The following BCL11A variants were observed in gnomAD, a reference collection of about 807,000 sequenced individuals.
BCL11A encodes BCL11 transcription factor A.
In BCL11A, 2 loss-of-function variants were observed where a neutral mutation model predicts 55.9. That is an observed-to-expected ratio of 0.04 (90% confidence interval 0.01 to 0.11). BCL11A has a LOEUF of 0.11. Ranked by LOEUF, BCL11A falls within the 10% of genes least tolerant of loss-of-function variation. The probability of loss-of-function intolerance (pLI) is 1.00; values close to 1 mark genes in which losing one functional copy is unlikely to be tolerated. For synonymous variants in BCL11A, 465 were observed against 473.4 expected (o/e 0.98, Z 0.23); for missense variants, 817 against 1,137.1 (o/e 0.72, Z 4.05).
intron 2 of BCL11A, among the ~76,000 whole-genome samples, chr2:60,488,757 T>C (rs930482974): frequency 4.6e-5 from 7 of 152,146 alleles, no homozygotes; most frequent in African/African-American, 1.7e-4. Context: ...TGTTTGTTTG[T>C]TTGTTTGTTT....
chr2:60,513,949 G>A (rs563503358), intron 2 of BCL11A, among the ~76,000 whole-genome samples: 1 of 152,326 alleles, frequency 6.6e-6, no homozygotes, highest in Non-Finnish European at 1.5e-5. Context: ...TCGAGACCTG[G>A]ATTCTAGTTC....
At chr2:60,467,786 ATGGTGATGGTACTGG>A (rs1271511398) in intron 3 of BCL11A, among the ~76,000 whole-genome samples, 7 of 33,838 alleles carry the variant, frequency 2.1e-4, no homozygotes, top group Admixed American at 6.6e-4. Context: ...GGTGGTGTTG[ATGGTGATGGTACTGG>A]TGGTGATGGT....
At chr2:60,494,035 C>T (rs535124337) in intron 2 of BCL11A, among the ~76,000 whole-genome samples, 1 of 152,210 alleles carries the variant, frequency 6.6e-6, no homozygotes, top group African/African-American at 2.4e-5. Flanking sequence ...ACAGGACAGC[C>T]ATCTTAGACA....
chr2:60,466,477 A>C (rs1207843390), intron 3 of BCL11A, among the ~76,000 whole-genome samples: 2 of 152,194 alleles, frequency 1.3e-5, no homozygotes, highest in Non-Finnish European at 2.9e-5. Flanking sequence ...ACCCAGGCTT[A>C]GGCCCAGCTT....
chr2:60,485,390 A>G (rs1678217813), intron 2 of BCL11A, among the ~76,000 whole-genome samples: 1 of 152,246 alleles, frequency 6.6e-6, no homozygotes, highest in Non-Finnish European at 1.5e-5. Context: ...CTCTACGGCC[A>G]TGTTGCTGTC....
intron 2 of BCL11A, among the ~76,000 whole-genome samples, chr2:60,493,588 A>G (rs1334635076): frequency 4.6e-5 from 7 of 152,218 alleles, no homozygotes; most frequent in Admixed American, 4.6e-4. Flanking sequence ...GAATCAGGCC[A>G]AATAAATTGG....
At chr2:60,455,080 A>C (rs1020052794), downstream of BCL11A, among the ~76,000 whole-genome samples, 1 of 152,200 alleles carries the variant, frequency 6.6e-6, no homozygotes, top group Non-Finnish European at 1.5e-5. Context: ...GAAGGAGGTA[A>C]TATAGGCACT....
Position 60,458,125 on chromosome 2 carries a change from G to T in BCL11A, c.*2279C>A. ...TACAAGCTTCAATATAAATACTATA[G>T]TGCCTAACACTAGATGAACATTTAA... On this transcript the variant is annotated 3_prime_UTR_variant, in exon 4 of 4. Transcript: ENST00000642384. The T allele has an allele frequency of 9.7e-7, 1 of 1,028,402 alleles. No individual in the cohort carries two copies. Among genetic ancestry groups the T allele is most frequent in the Non-Finnish European group, 1.2e-6 (1 of 855,268 alleles). 63.7% of individuals were successfully genotyped at this position (1,028,402 alleles called of 1,614,324 possible).
chr2:60,479,859 C>A (rs543361987), intron 2 of BCL11A, among the ~76,000 whole-genome samples: 1 of 152,280 alleles, frequency 6.6e-6, no homozygotes, highest in Admixed American at 6.5e-5. Context: ...ATTTTATTTT[C>A]TTACAAAATC....
chr2:60,505,437 G>T (rs909529879), intron 2 of BCL11A, among the ~76,000 whole-genome samples: 22 of 152,232 alleles, frequency 1.4e-4, no homozygotes, highest in Non-Finnish European at 2.9e-5. Flanking sequence ...TCATCAGGTA[G>T]TCAGCCGAGT....
intron 2 of BCL11A, among the ~76,000 whole-genome samples, chr2:60,513,813 C>T (rs987381892): frequency 1.3e-5 from 2 of 152,212 alleles, no homozygotes; most frequent in Non-Finnish European, 2.9e-5. Context: ...ATGCAGTGAA[C>T]ACCTTGCAGT....
chr2:60,528,850 C>T (rs749208437), intron 2 of BCL11A, among the ~76,000 whole-genome samples: 7 of 152,192 alleles, frequency 4.6e-5, no homozygotes, highest in Admixed American at 6.5e-5. Flanking sequence ...GCCCCCGGAG[C>T]GAGTAATGTC....
chr2:60,552,639 C>T (rs1325888662), intron 1 of BCL11A, among the ~76,000 whole-genome samples: 1 of 152,220 alleles, frequency 6.6e-6, no homozygotes, highest in Non-Finnish European at 1.5e-5. Context: ...GCCACTTTCT[C>T]ACTATTGTGG....
chr2:60,460,102 AGTTTGC>A lies in BCL11A; in HGVS notation c.*296_*301del. ...ATTATTGCACAAGAGAAAGGCTCAA[AGTTTGC>A]GTAAAATGCAATAGTATTGCCCCAT... On this transcript the variant is annotated 3_prime_UTR_variant, in exon 4 of 4. Coordinates refer to ENST00000642384, the MANE Select transcript of BCL11A (RefSeq NM_022893.4). 2.7e-6 allele frequency: 3 copies of A among 1,126,910 alleles called. No homozygotes were observed. Among genetic ancestry groups the A allele is most frequent in the Middle Eastern group, 3.8e-4 (1 of 2,658 alleles). The allele number at this position is 1,126,910 out of a possible 1,614,324, so 69.8% of individuals were successfully genotyped here.
At chr2:60,489,336 A>G (rs921071765) in intron 2 of BCL11A, among the ~76,000 whole-genome samples, 1 of 152,196 alleles carries the variant, frequency 6.6e-6, no homozygotes, top group Non-Finnish European at 1.5e-5. Context: ...CATACAATAG[A>G]GGCATTTGGA....
intron 2 of BCL11A, among the ~76,000 whole-genome samples, chr2:60,497,924 C>G (rs1416497899): frequency 3.0e-4 from 45 of 152,004 alleles, no homozygotes; most frequent in Admixed American, 2.9e-3. Context: ...GAAGGGGGAG[C>G]CTGGACCCAC....
Position 60,462,135 on chromosome 2 carries a change from A to G in BCL11A, c.777T>C (p.Phe259=), listed in dbSNP as rs1572953355. 1 of 1,559,182 alleles carries G rather than the reference A, an allele frequency of 6.4e-7. No homozygotes were observed. ...REASGLAEGR[F]PPTPPLFSPP... The stretch of plus-strand genomic sequence containing the variant: ...GACTAAACAGGGGGGGAGTGGGTGG[A>G]AAGCGCCCTTCTGCCAGGCCGGAAG... The change falls in exon 4 of 4, where the codon TTT becomes TTC. Residue 259 remains phenylalanine, a synonymous_variant. Coordinates refer to ENST00000642384, the MANE Select transcript of BCL11A (RefSeq NM_022893.4).
intron 2 of BCL11A, among the ~76,000 whole-genome samples, chr2:60,495,987 T>C (rs1678925914): frequency 6.6e-6 from 1 of 152,130 alleles, no homozygotes; most frequent in Non-Finnish European, 1.5e-5. Context: ...CTAAGAAACA[T>C]ACTGCAGCTC....
At chr2:60,553,188 T>A (rs1670492366) in intron 1 of BCL11A, 28 bp downstream of exon 1, 1 of 1,590,900 alleles carries the variant, frequency 6.3e-7, no homozygotes, top group Non-Finnish European at 8.5e-7. Flanking sequence ...TTATTAATAA[T>A]TATTATTACT....
Sources: gnomAD v4.1 joint callset for allele counts (sites outside exome capture counted in the v4.1 genomes callset) on GRCh38, gnomAD v4.1.1 for gene constraint, MANE v1.5 for transcripts, NCBI Gene and HGNC (gene_info 2026-07-23, HGNC 2026-07-21) for gene names.